Variants in TIAM1 observed in about 807,000 individuals in gnomAD.
TIAM1 encodes the protein rho guanine nucleotide exchange factor TIAM1.
A neutral mutation model predicts 163.5 loss-of-function variants in TIAM1; 65 were observed. The ratio of observed to expected loss-of-function variants is 0.40; its 90% CI spans 0.33 to 0.49. The LOEUF is 0.49. Among genes scored for constraint, TIAM1 ranks in the 20% least tolerant of loss-of-function variants. The pLI is 0.77. For synonymous variants in TIAM1, 833 were observed against 810.1 expected (o/e 1.03, Z -0.48); for missense variants, 1,789 against 2,044.7 (o/e 0.87, Z 2.41).
intron 1 of TIAM1, among the ~76,000 whole-genome samples, chr21:31,473,092 G>A (rs991672489): frequency 6.6e-6 from 1 of 152,070 alleles, no homozygotes; most frequent in African/African-American, 2.4e-5. Context: ...GGCATTTTCT[G>A]GGGTTTTCCC....
Position 31,266,557 on chromosome 21 carries a change from G to C in TIAM1, c.416C>G (p.Ala139Gly). The C allele has an allele frequency of 1.2e-6, 2 of 1,614,154 alleles. No individual in the cohort carries two copies. The highest frequency in any genetic ancestry group is 1.7e-6 in the Non-Finnish European group (2 of 1,180,036). ...TEESRLYGDD[A>G]TYLAEGGRRQ... ...CCTGCCTCCCTCAGCCAAATATGTA[G>C]CGTCATCCCCGTAAAGCCTGCTCTC... The change falls in exon 4 of 28, where the codon GCT becomes GGT. Residue 139 changes from alanine to glycine, a missense_variant. Ala to Gly is a moderately conservative substitution (Grantham distance 60). Coordinates refer to ENST00000541036, the MANE Select transcript of TIAM1 (RefSeq NM_001353694.2).
chr21:31,176,263 T>C (rs945715674), intron 15 of TIAM1, among the ~76,000 whole-genome samples: 7 of 152,166 alleles, frequency 4.6e-5, no homozygotes, highest in Non-Finnish European at 1.0e-4. Context: ...AGAGAGACTT[T>C]TTTGAAACCT....
At chr21:31,548,348 C>A (rs2048568226) in intron 1 of TIAM1, among the ~76,000 whole-genome samples, 3 of 152,050 alleles carry the variant, frequency 2.0e-5, no homozygotes, top group South Asian at 2.1e-4. Context: ...GCCATGTTGG[C>A]CAGGCTGGTC....
In TIAM1 at chr21:31,252,154, G is replaced by C; in HGVS notation, c.999C>G (p.Asp333Glu). The C allele has an allele frequency of 6.2e-7, 1 of 1,609,950 alleles. No individual in the cohort carries two copies. The highest frequency in any genetic ancestry group is 1.1e-5 in the South Asian group (1 of 91,080). Reference sequence around the variant, plus strand: ...CGGTAGTGGCCCCTTCAATCCCACTGTCTGCAAACTCACTGCCCTCGCCTG... The same window carrying C: ...CGGTAGTGGCCCCTTCAATCCCACTCTCTGCAAACTCACTGCCCTCGCCTG... Reference protein sequence around the residue: ...VNAGEGSEFADSGIEGATTDT... With the variant: ...VNAGEGSEFAESGIEGATTDT... Residue 333 changes from aspartate to glutamate, a missense_variant, in exon 5 of 28, where the codon GAC becomes GAG. Transcript: ENST00000541036.
At chr21:31,411,929 A>G (rs2077365993) in intron 2 of TIAM1, among the ~76,000 whole-genome samples, 1 of 142,798 alleles carries the variant, frequency 7.0e-6, no homozygotes, top group Admixed American at 7.6e-5. Flanking sequence ...TTTTAAAGAA[A>G]CAAGACGGCT....
At chr21:31,368,549 A>G (rs565547588) in intron 2 of TIAM1, among the ~76,000 whole-genome samples, 31 of 152,304 alleles carry the variant, frequency 2.0e-4, no homozygotes, top group African/African-American at 7.0e-4. Context: ...ATAGCGACCA[A>G]ACTTTCACAT....
chr21:31,203,400 G>A (rs2086300876), intron 11 of TIAM1, among the ~76,000 whole-genome samples: 1 of 152,260 alleles, frequency 6.6e-6, no homozygotes, highest in African/African-American at 2.4e-5. Context: ...TGGGATTACA[G>A]GCGTGGGCCA....
rs552641283 is a variant in TIAM1 at position 31,474,258 on chromosome 21, A to G, written c.-421-10223T>C. On this transcript the variant is annotated intron_variant, in intron 1 of 28. Coordinates refer to the TIAM1 transcript ENST00000286827. ...TTCAACATGAGATTTGGAGGGAACA[A>G]GCATCCAAATCGTATTAGAGAATAT... Among the ~76,000 whole-genome samples the G allele has an allele frequency of 5.3e-5, 8 of 152,316 alleles. No individual in the cohort carries two copies. The South Asian group carries it at 1.7e-3, about 32-fold the overall frequency.
intron 1 of TIAM1, among the ~76,000 whole-genome samples, chr21:31,514,280 C>T (rs2047307961): frequency 6.6e-6 from 1 of 152,056 alleles, no homozygotes; most frequent in South Asian, 2.1e-4. Context: ...AATTATCCAA[C>T]CAATCTCGTT....
chr21:31,264,934 A>G (rs2072670661), intron 4 of TIAM1, among the ~76,000 whole-genome samples: 1 of 151,920 alleles, frequency 6.6e-6, no homozygotes, highest in Non-Finnish European at 1.5e-5. Flanking sequence ...AAAAGCCAAG[A>G]CTCCCTGAAC....
At chr21:31,524,528 A>C (rs2047715817) in intron 1 of TIAM1, among the ~76,000 whole-genome samples, 1 of 152,210 alleles carries the variant, frequency 6.6e-6, no homozygotes, top group South Asian at 2.1e-4. Context: ...TGGACTCAAA[A>C]GTATATTCTC....
Position 31,251,672 on chromosome 21 carries a change from G to A in TIAM1, c.1411+70C>T, listed in dbSNP as rs1277997913. 7 of 1,453,452 alleles carry A rather than the reference G, an allele frequency of 4.8e-6. No homozygotes were observed. In the South Asian group the frequency reaches 9.5e-5, roughly 20 times the overall value. 90.0% of individuals were successfully genotyped at this position (1,453,452 alleles called of 1,614,324 possible). On this transcript the variant is annotated intron_variant, in intron 5 of 27. Transcript: ENST00000541036. ...CAACAACAACAAACCCACCCATCCC[G>A]TGAGTATGTGCACAACGGGGCACCT...
At chr21:31,537,716 C>G (rs538084094) in intron 1 of TIAM1, among the ~76,000 whole-genome samples, 5 of 151,646 alleles carry the variant, frequency 3.3e-5, no homozygotes, top group Admixed American at 3.3e-4. Flanking sequence ...CGCACCACTG[C>G]ACTCCAGCCT....
chr21:31,210,746 GGGAGAA>G lies in TIAM1; in HGVS notation c.2218-537_2218-532del, dbSNP rs1569034178. 4.2e-3 allele frequency among the ~76,000 whole-genome samples: 343 copies of G among 82,116 alleles called. 5 individuals are homozygous for G. The highest frequency in any genetic ancestry group is 0.023 in the East Asian group (66 of 2,826). The allele number at this position is 82,116 out of a possible 152,430, so 53.9% of individuals were successfully genotyped here. A position where few individuals can be genotyped will look rare whatever the true frequency, so the allele number is the denominator to read the frequency against. On this transcript the variant is annotated intron_variant, in intron 10 of 27. Coordinates refer to ENST00000541036, the MANE Select transcript of TIAM1 (RefSeq NM_001353694.2). Reference sequence around the variant, plus strand: ...GAAAGAAAGAGAAAGAAGGAAGGAAGGGAGAAAGAAAGAAAGAAAGAAAGAAAGAAA... The same window carrying G: ...GAAAGAAAGAGAAAGAAGGAAGGAAGAGAAAGAAAGAAAGAAAGAAAGAAA...
chr21:31,522,186 T>C (rs1389612064), intron 1 of TIAM1, among the ~76,000 whole-genome samples: 1 of 151,756 alleles, frequency 6.6e-6, no homozygotes, highest in African/African-American at 2.4e-5. Context: ...TTAATAATTC[T>C]TAATTATTCT....
chr21:31,221,566 T>G (rs925767998), intron 8 of TIAM1, among the ~76,000 whole-genome samples: 9 of 152,218 alleles, frequency 5.9e-5, no homozygotes, highest in African/African-American at 2.2e-4. Flanking sequence ...AACGGTAACC[T>G]TCTCAGGGAG....
chr21:31,490,426 G>C (rs1392466336), intron 1 of TIAM1, among the ~76,000 whole-genome samples: 1 of 149,748 alleles, frequency 6.7e-6, no homozygotes, highest in African/African-American at 2.5e-5. Context: ...CAGCAGGACT[G>C]GACCTAGCCT....
In TIAM1 at chr21:31,225,853, C is replaced by T. The variant is rs772805539; in HGVS notation, c.1682G>A (p.Arg561Gln). 7.4e-6 allele frequency: 12 copies of T among 1,613,980 alleles called. No individual in the cohort carries two copies. The highest frequency in any genetic ancestry group is 2.2e-5 in the South Asian group (2 of 91,062). The change falls in exon 7 of 28, where the codon CGA (arginine) becomes CAA (glutamine). Residue 561 changes from arginine (R) to glutamine (Q), a missense_variant. Arg to Gln is a conservative substitution (Grantham distance 43). This residue lies in a region of TIAM1 where 456 missense variants were observed against 586.6 expected (regional missense o/e 0.78). Coordinates refer to ENST00000541036, the MANE Select transcript of TIAM1 (RefSeq NM_001353694.2). The stretch of plus-strand genomic sequence containing the variant: ...TTTTTTGATCTCTGATTTCAGGAGT[C>T]GGAGCGTGTCTTCCTTGTGGTGGTG... Reference protein sequence around the residue: ...ARHHHKEDTLRLLKSEIKKLE... With the variant: ...ARHHHKEDTLQLLKSEIKKLE...
At chr21:31,435,199 C>G (rs116644331) in intron 2 of TIAM1, among the ~76,000 whole-genome samples, 1 of 152,166 alleles carries the variant, frequency 6.6e-6, no homozygotes, top group Admixed American at 6.5e-5. Context: ...GCAGTCTCAG[C>G]CTTCATGTCT....
Sources: gnomAD v4.1 joint callset for allele counts (sites outside exome capture counted in the v4.1 genomes callset) on GRCh38, gnomAD v4.1.1 for gene constraint, gnomAD v4.1.1 regional missense constraint, MANE v1.5 for transcripts, NCBI Gene and HGNC (gene_info 2026-07-23, HGNC 2026-07-21) for gene names.